Variants in MTR observed in about 807,000 individuals in gnomAD.
The protein encoded by MTR is methionine synthase.
Under a neutral mutation model 154.8 loss-of-function variants are expected in MTR, and 84 were observed. The observed-to-expected ratio is 0.54, with a 90% CI of 0.45 to 0.65. MTR has a LOEUF of 0.65. Among genes scored for constraint, MTR ranks in the 30% least tolerant of loss-of-function variants. MTR has a pLI of 0.00. For synonymous variants in MTR, 554 were observed against 553.9 expected, an observed-to-expected ratio of 1.00 and a Z score of 0.00; for missense variants, 1,275 against 1,570.2, an observed-to-expected ratio of 0.81 and a Z score of 3.18.
At chr1:236,799,806 ATTAAG>A (rs1333036943) in intron 1 of MTR, among the ~76,000 whole-genome samples, 5 of 150,994 alleles carry the variant, frequency 3.3e-5, no homozygotes, top group East Asian at 1.9e-4. Flanking sequence ...TTTTTTTTAA[ATTAAG>A]AGGTTGGTCT....
chr1:236,836,350 C>CT, intron 14 of MTR, among the ~76,000 whole-genome samples: 1 of 152,074 alleles, frequency 6.6e-6, no homozygotes. Flanking sequence ...CAACCTCAGG[C>CT]TTCTCCCACT....
At chr1:236,897,310 G>GCGCACACACA in intron 32 of MTR, among the ~76,000 whole-genome samples, 192 bp downstream of exon 32, 94 of 128,682 alleles carry the variant, frequency 7.3e-4, no homozygotes, top group South Asian at 6.6e-3. Context: ...CCACACACAC[G>GCGCACACACA]CACACACACA....
chr1:236,804,833 A>AAT (rs1660888074), intron 2 of MTR, among the ~76,000 whole-genome samples: 2 of 152,072 alleles, frequency 1.3e-5, no homozygotes, highest in Admixed American at 1.3e-4. Flanking sequence ...TACGTGAGTG[A>AAT]ATATATATAT....
intron 22 of MTR, among the ~76,000 whole-genome samples, chr1:236,869,808 C>T (rs374756329): frequency 1.3e-4 from 20 of 152,106 alleles, no homozygotes; most frequent in East Asian, 7.7e-4. Flanking sequence ...CCTGGGATTC[C>T]TAGCTAGTTC....
intron 24 of MTR, among the ~76,000 whole-genome samples, chr1:236,876,206 T>C (rs530161511): frequency 6.6e-6 from 1 of 152,370 alleles, no homozygotes; most frequent in South Asian, 2.1e-4. Context: ...CATCATACCA[T>C]TTAAAATTTG....
chr1:236,840,798 G>A (rs1423518064), intron 15 of MTR, among the ~76,000 whole-genome samples: 13 of 152,112 alleles, frequency 8.5e-5, no homozygotes, highest in African/African-American at 3.1e-4. Context: ...TTAGTAGCAT[G>A]AACAGTTCAG....
chr1:236,895,475 C>G lies in MTR; in HGVS notation c.3523C>G (p.Pro1175Ala), dbSNP rs1182672054. 1 of 1,596,704 alleles carries G rather than the reference C, an allele frequency of 6.3e-7. No individual in the cohort carries two copies. Among genetic ancestry groups the G allele is most frequent in the South Asian group, 1.1e-5 (1 of 87,966 alleles). The change falls in exon 31 of 33, where the codon CCT becomes GCT. Residue 1175 changes from proline to alanine, a missense_variant. By Grantham distance (27) the Pro-to-Ala change is conservative (BLOSUM62 -1). Transcript: ENST00000366577. ...RLRYKGIRPA[P>A]GYPSQPDHTE... Reference sequence around the variant, plus strand: ...GCGGTACAAGGGCATCCGCCCGGCTCCTGGCTACCCCAGCCAGCCCGACCA... The same window carrying G: ...GCGGTACAAGGGCATCCGCCCGGCTGCTGGCTACCCCAGCCAGCCCGACCA...
Position 236,815,803 on chromosome 1 carries a change from C to T in MTR, c.669+140C>T, listed in dbSNP as rs1285337048. The T allele has an allele frequency of 8.8e-6, 7 of 798,478 alleles. No individual in the cohort carries two copies. The East Asian group carries it at 1.3e-4, about 15-fold the overall frequency. The allele number at this position is 798,478 out of a possible 1,614,324, so 49.5% of individuals were successfully genotyped here. A position where few individuals can be genotyped will look rare whatever the true frequency, so the allele number is the denominator to read the frequency against. On this transcript the variant is annotated intron_variant, in intron 7 of 32. Coordinates refer to ENST00000366577, the MANE Select transcript of MTR (RefSeq NM_000254.3). The stretch of plus-strand genomic sequence containing the variant: ...ACTTTAACTTCCATTGTTCACTTCC[C>T]TTCCACCACTTCTGGACCAATAACA...
At chr1:236,890,931 A>G (rs542181247) in intron 28 of MTR, among the ~76,000 whole-genome samples, 48 of 152,260 alleles carry the variant, frequency 3.2e-4, no homozygotes, top group African/African-American at 1.2e-3. Flanking sequence ...AGACTGTGGG[A>G]GCTGCACTTA....
chr1:236,836,912 T>C (rs150311719), intron 14 of MTR, among the ~76,000 whole-genome samples: 3 of 152,308 alleles, frequency 2.0e-5, no homozygotes, highest in African/African-American at 7.2e-5. Context: ...ACTTTCCTCA[T>C]CTCTAAAATG....
In MTR at chr1:236,891,499, A is replaced by G. The variant is rs2282369; in HGVS notation, c.3204+170A>G. Among the ~76,000 whole-genome samples, 103,180 of 152,058 alleles carry G rather than the reference A, an allele frequency of 0.68. 35,858 individuals carry two copies. Among genetic ancestry groups the G allele is most frequent in the African/African-American group, 0.82 (34,212 of 41,492 alleles). The stretch of plus-strand genomic sequence containing the variant: ...CAAGCCCAAGCCATCTGTGAGGACG[A>G]GGGAGAGAAGGCGCCACCATGGGTG... On this transcript the variant is annotated intron_variant, in intron 29 of 32. Transcript: ENST00000366577.
At chr1:236,878,008 T>C (rs1665525359) in intron 24 of MTR, among the ~76,000 whole-genome samples, 1 of 152,236 alleles carries the variant, frequency 6.6e-6, no homozygotes. Flanking sequence ...TTTTAAATAT[T>C]TTTAAAAATT....
intron 24 of MTR, among the ~76,000 whole-genome samples, chr1:236,875,338 T>G (rs932385006): frequency 2.0e-4 from 30 of 152,208 alleles, no homozygotes; most frequent in African/African-American, 6.3e-4. Context: ...ATGGTCACTT[T>G]GGGGAGTTCC....
chr1:236,874,585 A>T, intron 23 of MTR, 141 bp from the exon 24 acceptor site: 6 of 643,108 alleles, frequency 9.3e-6, no homozygotes, highest in Non-Finnish European at 1.3e-5. Context: ...AAAAAAAAAA[A>T]GAATTAGGAA....
At chr1:236,897,310 G>GCGTGCACGCACACACACA in intron 32 of MTR, among the ~76,000 whole-genome samples, 192 bp downstream of exon 32, 1 of 128,614 alleles carries the variant, frequency 7.8e-6, no homozygotes, top group Non-Finnish European at 1.7e-5. Context: ...CCACACACAC[G>GCGTGCACGCACACACACA]CACACACACA....
chr1:236,812,455 A>G (rs1661360024), intron 5 of MTR, among the ~76,000 whole-genome samples: 1 of 152,242 alleles, frequency 6.6e-6, no homozygotes, highest in Non-Finnish European at 1.5e-5. Flanking sequence ...AATGGGGGGT[A>G]CATGTTCAAG....
chr1:236,897,065 T>A lies in MTR; in HGVS notation c.3658T>A (p.Phe1220Ile). 1.2e-6 allele frequency: 2 copies of A among 1,614,176 alleles called. No individual in the cohort carries two copies. The highest frequency in any genetic ancestry group is 1.7e-6 in the Non-Finnish European group (2 of 1,180,018). Residue 1220 changes from phenylalanine (F) to isoleucine (I), a missense_variant, in exon 32 of 33, where the codon TTC (phenylalanine) becomes ATC (isoleucine). By Grantham distance (21) the Phe-to-Ile change is conservative. Transcript: ENST00000366577. Reference protein sequence around the residue: ...APASAVSGLYFSNLKSKYFAV... With the variant: ...APASAVSGLYISNLKSKYFAV... ...TGCTTCAGCAGTCTCAGGCCTCTACTTCTCCAATTTGAAGTCCAAATATTT... is the reference window on the plus strand; with the variant it reads ...TGCTTCAGCAGTCTCAGGCCTCTACATCTCCAATTTGAAGTCCAAATATTT...
chr1:236,827,306 C>T (rs896670911), intron 11 of MTR, among the ~76,000 whole-genome samples: 6 of 152,222 alleles, frequency 3.9e-5, no homozygotes, highest in Admixed American at 1.3e-4. Flanking sequence ...ATTTAAGCCA[C>T]CCAATCTTTG....
chr1:236,809,162 A>ATT lies in MTR; in HGVS notation c.409+395_409+396dup, dbSNP rs202074879. Among the ~76,000 whole-genome samples the ATT allele has an allele frequency of 1.9e-3, 296 of 152,294 alleles. 1 individual carries two copies. Among genetic ancestry groups the ATT allele is most frequent in the East Asian group, 0.015 (78 of 5,186 alleles). ...GGCTGTTATTAGGATAATTGATCTC[A>ATT]TTTTTTTAAAGCCACCCTCATTCCC... On this transcript the variant is annotated intron_variant, in intron 4 of 32. Coordinates refer to ENST00000366577, the MANE Select transcript of MTR (RefSeq NM_000254.3).
Sources: allele counts gnomAD v4.1 joint callset (sites outside exome capture counted in the v4.1 genomes callset), GRCh38; gene constraint gnomAD v4.1.1; transcripts MANE v1.5; gene names NCBI Gene and HGNC (gene_info 2026-07-23, HGNC 2026-07-21).